PPP1R14C: variants seen among roughly 807,000 people sequenced by gnomAD.
The protein encoded by PPP1R14C is protein phosphatase 1 regulatory subunit 14C.
In PPP1R14C, 16 loss-of-function variants were observed where a neutral mutation model predicts 20.4. The observed-to-expected ratio is 0.78, with a 90% confidence interval of 0.53 to 1.19. PPP1R14C has a LOEUF of 1.19. Among genes scored for constraint, PPP1R14C ranks in the 50% most tolerant of loss-of-function variants. The pLI is 0.00. For synonymous variants in PPP1R14C, 91 were observed against 91.0 expected (o/e 1.00, Z 0.00); for missense variants, 211 against 220.1 (o/e 0.96, Z 0.26).
intron 1 of PPP1R14C, chr6:150,196,078 C>G (rs1777800599): frequency 1.0e-6 from 1 of 985,286 alleles, no homozygotes; most frequent in South Asian, 4.7e-5. Flanking sequence ...TCTGCTAGAC[C>G]TCTCACCCCT....
intron 1 of PPP1R14C, among the ~76,000 whole-genome samples, chr6:150,208,012 G>C (rs1357748696): frequency 1.3e-5 from 2 of 152,130 alleles, no homozygotes; most frequent in Non-Finnish European, 2.9e-5. Context: ...ATGGGGCAAA[G>C]GGGGCTGATC....
At chr6:150,212,572 T>C (rs909091572) in intron 1 of PPP1R14C, among the ~76,000 whole-genome samples, 3 of 152,204 alleles carry the variant, frequency 2.0e-5, no homozygotes, top group Non-Finnish European at 2.9e-5. Context: ...TAGTTACTAA[T>C]TGTTCTCTCA....
intron 3 of PPP1R14C, among the ~76,000 whole-genome samples, chr6:150,231,863 C>T (rs1453796908): frequency 6.6e-6 from 1 of 152,138 alleles, no homozygotes; most frequent in Non-Finnish European, 1.5e-5. Flanking sequence ...TGTTCATACA[C>T]TGTAATGTAT....
intron 3 of PPP1R14C, among the ~76,000 whole-genome samples, chr6:150,221,982 A>G (rs1169936011): frequency 1.3e-5 from 2 of 151,908 alleles, no homozygotes; most frequent in Non-Finnish European, 2.9e-5. Flanking sequence ...TTATTTTTGT[A>G]GAGACAAAGT....
At chr6:150,209,772 T>C (rs989791821) in intron 1 of PPP1R14C, among the ~76,000 whole-genome samples, 2 of 151,852 alleles carry the variant, frequency 1.3e-5, no homozygotes, top group African/African-American at 2.4e-5. Flanking sequence ...TATATATTTG[T>C]GTGTGCATGC....
At chr6:150,156,798 TTGTTA>T (rs1259031968) in intron 1 of PPP1R14C, among the ~76,000 whole-genome samples, 2 of 152,228 alleles carry the variant, frequency 1.3e-5, no homozygotes, top group Non-Finnish European at 2.9e-5. Flanking sequence ...CAAGTGCCTT[TTGTTA>T]TGTTAAGATA....
intron 1 of PPP1R14C, among the ~76,000 whole-genome samples, chr6:150,211,655 A>T (rs958307738): frequency 6.6e-6 from 1 of 152,176 alleles, no homozygotes; most frequent in Non-Finnish European, 1.5e-5. Context: ...CTCATTAAGA[A>T]TATTAAGTAC....
chr6:150,194,763 C>T (rs540806893), intron 1 of PPP1R14C: 17 of 985,150 alleles, frequency 1.7e-5, no homozygotes, highest in Non-Finnish European at 2.0e-5. Flanking sequence ...TAGTTTAAGA[C>T]CCTGTTTTGT....
At position 150,143,969 on chromosome 6, in the gene PPP1R14C, G is replaced by A. The variant is rs1777153946; in HGVS notation, c.306+471G>A. Among the ~76,000 whole-genome samples the A allele has an allele frequency of 1.3e-5, 2 of 152,194 alleles. No individual in the cohort carries two copies. On this transcript the variant is annotated intron_variant, in intron 1 of 3. Coordinates refer to ENST00000361131, the MANE Select transcript of PPP1R14C (RefSeq NM_030949.3). The surrounding 1 kb of genome is among the most constrained non-coding windows in gnomAD (Gnocchi z 5.6). ...AGGGAAGGAAGGAAGCTGCCTCGTG[G>A]AAAGGAGAGGTTCTGGGGATCTCAG... is the stretch of plus-strand genomic sequence containing the variant.
chr6:150,237,480 G>A (rs1778375997), intron 3 of PPP1R14C, among the ~76,000 whole-genome samples: 1 of 152,140 alleles, frequency 6.6e-6, no homozygotes, highest in Admixed American at 6.5e-5. Context: ...TGGGATTACA[G>A]GCGTGAGCCA....
chr6:150,186,810 G>T (rs1027023071), intron 1 of PPP1R14C, among the ~76,000 whole-genome samples: 4 of 152,128 alleles, frequency 2.6e-5, no homozygotes, highest in African/African-American at 9.7e-5. Flanking sequence ...ATACCAGCTG[G>T]GGGTGGCTGC....
At chr6:150,218,787 T>A (rs1582924427) in intron 3 of PPP1R14C, among the ~76,000 whole-genome samples, 2 of 152,200 alleles carry the variant, frequency 1.3e-5, no homozygotes, top group East Asian at 3.9e-4. Flanking sequence ...TAACTAGTAC[T>A]GCAGTCGTGC....
chr6:150,235,672 A>G (rs962697825), intron 3 of PPP1R14C, among the ~76,000 whole-genome samples: 1 of 152,068 alleles, frequency 6.6e-6, no homozygotes, highest in African/African-American at 2.4e-5. Flanking sequence ...CACGCACTCT[A>G]TTCTTCCTTT....
intron 3 of PPP1R14C, among the ~76,000 whole-genome samples, chr6:150,232,389 G>A (rs1778305997): frequency 6.6e-6 from 1 of 152,142 alleles, no homozygotes; most frequent in Non-Finnish European, 1.5e-5. Context: ...TTTCACTTGT[G>A]TTATCTTTTG....
chr6:150,163,341 A>G (rs928294774), intron 1 of PPP1R14C, among the ~76,000 whole-genome samples: 15 of 152,366 alleles, frequency 9.8e-5, no homozygotes, highest in African/African-American at 3.6e-4. Context: ...CAGTGAGCGG[A>G]GATCGCACCA....
At chr6:150,220,523 G>A (rs1336967307) in intron 3 of PPP1R14C, among the ~76,000 whole-genome samples, 3 of 152,320 alleles carry the variant, frequency 2.0e-5, no homozygotes, top group South Asian at 2.1e-4. Flanking sequence ...GATGAATGAT[G>A]TAGATGAATG....
chr6:150,236,502 T>C (rs754011055), intron 3 of PPP1R14C, among the ~76,000 whole-genome samples: 5 of 152,040 alleles, frequency 3.3e-5, no homozygotes, highest in Non-Finnish European at 7.4e-5. Context: ...TTCATTGTTT[T>C]CCGTGAGAGG....
intron 3 of PPP1R14C, among the ~76,000 whole-genome samples, chr6:150,221,876 G>A (rs1472569776): frequency 6.6e-6 from 1 of 152,108 alleles, no homozygotes; most frequent in Non-Finnish European, 1.5e-5. Flanking sequence ...TTAGCTCACT[G>A]CAGCCTCAAT....
rs201578835 is a variant in PPP1R14C at position 150,151,022 on chromosome 6, G to GT, written c.306+7532dup. ...CTCTGTCTTCGGGCCCTGGCTCTCT[G>GT]TTTTTTTTGTTGTTTGTTTTGTTTT... On this transcript the variant is annotated intron_variant, in intron 1 of 3. Coordinates refer to ENST00000361131, the MANE Select transcript of PPP1R14C (RefSeq NM_030949.3). 9.1e-3 allele frequency among the ~76,000 whole-genome samples: 1,381 copies of GT among 151,428 alleles called. 15 individuals carry two copies. Among genetic ancestry groups the GT allele is most frequent in the Admixed American group, 0.023 (346 of 15,180 alleles).
Sources: allele counts gnomAD v4.1 joint callset (sites outside exome capture counted in the v4.1 genomes callset), GRCh38; gene constraint gnomAD v4.1.1; non-coding constraint Gnocchi (gnomAD v3.1); transcripts MANE v1.5; gene names NCBI Gene and HGNC (gene_info 2026-07-23, HGNC 2026-07-21).